Variants in CDH13 observed in about 807,000 individuals in gnomAD.
The protein encoded by CDH13 is cadherin-13.
In CDH13, 24 loss-of-function variants were observed where a neutral mutation model predicts 63.8. The ratio of observed to expected loss-of-function variants is 0.38; its 90% CI spans 0.27 to 0.53. The LOEUF is 0.53. CDH13 is among the 20% of genes least tolerant of loss of function. The pLI, the probability that CDH13 is intolerant of heterozygous loss-of-function variation, is 0.85. For synonymous variants in CDH13, 503 were observed against 355.3 expected (o/e 1.42, Z -4.67); for missense variants, 1,049 against 903.1 (o/e 1.16, Z -2.07).
intron 5 of CDH13, among the ~76,000 whole-genome samples, chr16:83,316,165 C>G (rs1428649635): frequency 6.6e-6 from 1 of 152,112 alleles, no homozygotes; most frequent in Non-Finnish European, 1.5e-5. Context: ...CTGACTATCA[C>G]AAGAAGAGCA....
At chr16:83,365,988 C>T (rs1453641555) in intron 6 of CDH13, among the ~76,000 whole-genome samples, 1 of 152,160 alleles carries the variant, frequency 6.6e-6, no homozygotes, top group Non-Finnish European at 1.5e-5. Flanking sequence ...ACTGTGAACC[C>T]CACGGAGGTC....
chr16:83,066,745 A>G (rs993131245), intron 3 of CDH13, among the ~76,000 whole-genome samples: 1 of 152,222 alleles, frequency 6.6e-6, no homozygotes, highest in Non-Finnish European at 1.5e-5. Context: ...TAATTTACAA[A>G]GAAAAATTAC....
intron 6 of CDH13, among the ~76,000 whole-genome samples, chr16:83,411,003 C>T (rs548194710): frequency 3.9e-5 from 6 of 152,308 alleles, no homozygotes; most frequent in African/African-American, 1.4e-4. Flanking sequence ...AACCCATGTC[C>T]GTGCGTGCTT....
chr16:83,217,758 C>G (rs543258423), intron 5 of CDH13, among the ~76,000 whole-genome samples: 25 of 152,236 alleles, frequency 1.6e-4, no homozygotes, highest in African/African-American at 5.8e-4. Flanking sequence ...CTGGGGGCAT[C>G]TCAGAGGAGG....
Position 82,929,651 on chromosome 16 carries a change from C to CAA in CDH13, c.157+71209_157+71210dup, listed in dbSNP as rs71146097. On this transcript the variant is annotated intron_variant, in intron 2 of 13. Coordinates refer to ENST00000567109, the MANE Select transcript of CDH13 (RefSeq NM_001257.5). ...TGGGGGACAGAGTGAGACTCCATCT[C>CAA]AAAAAAAAAAAAAAAAAAAAAAAAA... Among the ~76,000 whole-genome samples the CAA allele has an allele frequency of 7.0e-3, 309 of 44,262 alleles. 43 individuals are homozygous for CAA. Among genetic ancestry groups the CAA allele is most frequent in the East Asian group, 0.051 (22 of 430 alleles). 29.0% of individuals were successfully genotyped at this position (44,262 alleles called of 152,430 possible).
chr16:82,858,534 T>A (rs1300971773), intron 2 of CDH13, 61 bp downstream of exon 2: 5 of 1,014,754 alleles, frequency 4.9e-6, no homozygotes, highest in African/African-American at 1.6e-5. Context: ...TACTAATGTT[T>A]ATGACTGTGT....
chr16:83,165,808 T>C (rs1328561196), intron 4 of CDH13, among the ~76,000 whole-genome samples: 1 of 151,996 alleles, frequency 6.6e-6, no homozygotes. Context: ...AAATGGAGAC[T>C]CTAGGTCACC....
At chr16:83,719,425 G>A (rs947643245) in intron 10 of CDH13, among the ~76,000 whole-genome samples, 6 of 151,652 alleles carry the variant, frequency 4.0e-5, no homozygotes, top group East Asian at 1.9e-4. Flanking sequence ...CACACTCCAC[G>A]TCACTCACCC....
chr16:82,867,159 G>C (rs1342614142), intron 2 of CDH13, among the ~76,000 whole-genome samples: 1 of 152,190 alleles, frequency 6.6e-6, no homozygotes, highest in African/African-American at 2.4e-5. Context: ...GACATTTAAG[G>C]CTGAGCTAGG....
chr16:82,755,170 T>C (rs1354483035), intron 1 of CDH13, among the ~76,000 whole-genome samples: 2 of 152,196 alleles, frequency 1.3e-5, no homozygotes, highest in African/African-American at 4.8e-5. Context: ...AGGGACTGTA[T>C]AGAAAATTTG....
intron 7 of CDH13, among the ~76,000 whole-genome samples, chr16:83,583,055 C>T (rs929281237): frequency 2.0e-4 from 31 of 152,214 alleles, no homozygotes; most frequent in African/African-American, 7.2e-4. Flanking sequence ...TCTCGTGGTC[C>T]CAGGGAGGAT....
chr16:83,745,864 G>C (rs1912531387), intron 10 of CDH13, among the ~76,000 whole-genome samples: 1 of 152,132 alleles, frequency 6.6e-6, no homozygotes, highest in Admixed American at 6.5e-5. Flanking sequence ...CCTTTTCTCA[G>C]AATTCGTATC....
rs568283097 is a variant in CDH13, at chr16:82,919,932, G to A, written c.157+61459G>A. Among the ~76,000 whole-genome samples, 26 of 152,292 alleles carry A rather than the reference G, an allele frequency of 1.7e-4. 1 individual carries two copies. The South Asian group carries it at 4.4e-3, about 26-fold the overall frequency. On this transcript the variant is annotated intron_variant, in intron 2 of 13. Coordinates refer to ENST00000567109, the MANE Select transcript of CDH13 (RefSeq NM_001257.5). ...TCAAATGAGGGGAATTATTAAACAC[G>A]TTTTGTGAATTTTAAGAGGGCAATA... is the stretch of plus-strand genomic sequence containing the variant.
intron 5 of CDH13, among the ~76,000 whole-genome samples, chr16:83,235,231 A>G (rs1313595247): frequency 6.6e-6 from 1 of 152,090 alleles, no homozygotes; most frequent in Non-Finnish European, 1.5e-5. Flanking sequence ...ACATATATAA[A>G]CAAACACTTA....
intron 5 of CDH13, among the ~76,000 whole-genome samples, chr16:83,340,341 C>T (rs554790783): frequency 2.0e-5 from 3 of 151,820 alleles, no homozygotes; most frequent in African/African-American, 4.8e-5. Context: ...TGCGCATGTG[C>T]GTGCTGCTCC....
At chr16:83,704,796 C>T (rs1906761518) in intron 10 of CDH13, among the ~76,000 whole-genome samples, 1 of 152,102 alleles carries the variant, frequency 6.6e-6, no homozygotes, top group Admixed American at 6.6e-5. Flanking sequence ...GAATTTTTTC[C>T]CAGTAACTTA....
chr16:83,048,856 T>C (rs780108804), intron 3 of CDH13, among the ~76,000 whole-genome samples: 15 of 152,128 alleles, frequency 9.9e-5, no homozygotes, highest in Non-Finnish European at 1.9e-4. Context: ...AAATTATTTC[T>C]CCTTCAAATC....
intron 1 of CDH13, among the ~76,000 whole-genome samples, chr16:82,702,906 A>G (rs2031166642): frequency 6.6e-6 from 1 of 152,062 alleles, no homozygotes; most frequent in South Asian, 2.1e-4. Context: ...AATCTGGTGT[A>G]TCCCCTCATT....
intron 1 of CDH13, among the ~76,000 whole-genome samples, chr16:82,717,652 A>G (rs780415285): frequency 6.6e-6 from 1 of 152,202 alleles, no homozygotes; most frequent in Non-Finnish European, 1.5e-5. Context: ...TTTGTGTCCA[A>G]TATTCCTCTG....
Sources: gnomAD v4.1 joint callset for allele counts (sites outside exome capture counted in the v4.1 genomes callset) on GRCh38, gnomAD v4.1.1 for gene constraint, MANE v1.5 for transcripts, NCBI Gene and HGNC (gene_info 2026-07-23, HGNC 2026-07-21) for gene names.